Variants in ST3GAL3 observed in about 807,000 individuals in gnomAD.
The protein encoded by ST3GAL3 is CMP-N-acetylneuraminate-beta-1,4-galactoside alpha-2,3-sialyltransferase.
ST3GAL3 carries 21 observed loss-of-function variants against 50.1 expected under a neutral mutation model. The observed-to-expected ratio is 0.42, with a 90% CI of 0.30 to 0.60. The LOEUF (loss-of-function observed/expected upper bound fraction) is 0.60, where lower values mean the gene tolerates loss of function less well. Ranked by LOEUF, ST3GAL3 falls within the 20% of genes least tolerant of loss-of-function variation. The pLI is 0.19. For missense variants in ST3GAL3, 353 were observed against 489.4 expected (o/e 0.72, Z 2.63); for synonymous variants, 183 against 190.0 (o/e 0.96, Z 0.30).
chr1:43,831,180 C>CT (rs1479643282), intron 4 of ST3GAL3, among the ~76,000 whole-genome samples: 1 of 152,192 alleles, frequency 6.6e-6, no homozygotes, highest in African/African-American at 2.4e-5. Flanking sequence ...GCTGATTACA[C>CT]TTTACATCAT....
chr1:43,851,471 A>C, intron 5 of ST3GAL3: 1 of 1,601,064 alleles, frequency 6.2e-7, no homozygotes, highest in South Asian at 1.1e-5. Flanking sequence ...CCAGCTCATG[A>C]GTAAAGTCAG....
rs148824865 is a variant in ST3GAL3, at chr1:43,763,329, T to C, written c.118+26949T>C. Reference sequence around the variant, plus strand: ...CTTATAATGTTTTAAACTTTTATCATTGTTGTAAATGGATGTAGCTGGTTG... The same window carrying C: ...CTTATAATGTTTTAAACTTTTATCACTGTTGTAAATGGATGTAGCTGGTTG... On this transcript the variant is annotated intron_variant, in intron 2 of 11. Transcript: ENST00000347631. Among the ~76,000 whole-genome samples, 129 of 152,328 alleles carry C rather than the reference T, an allele frequency of 8.5e-4. 1 individual carries two copies. The Middle Eastern group carries it at 0.01, about 12-fold the overall frequency.
At position 43,833,051 on chromosome 1, in the gene ST3GAL3, T is replaced by C. The variant is rs577840289; in HGVS notation, c.210-5168T>C. Among the ~76,000 whole-genome samples, 5 of 152,300 alleles carry C rather than the reference T, an allele frequency of 3.3e-5. No homozygotes were observed. In the East Asian group the frequency reaches 9.6e-4, roughly 29 times the overall value. On this transcript the variant is annotated intron_variant, in intron 4 of 11. Coordinates refer to ENST00000347631, the MANE Select transcript of ST3GAL3 (RefSeq NM_006279.5). ...GAATGCTTTAAACTAAATTAGCACA[T>C]GAAACGAGGGAGCAGGCATGGTAGG...
intron 9 of ST3GAL3, 90 bp from the exon 10 acceptor site, chr1:43,920,314 C>T (rs1192452457): frequency 1.3e-6 from 2 of 1,555,614 alleles, no homozygotes; most frequent in African/African-American, 1.4e-5. Flanking sequence ...ATGCTCCCGC[C>T]TCACTGTCCC....
At chr1:43,744,546 A>T (rs1367046135) in intron 2 of ST3GAL3, among the ~76,000 whole-genome samples, 2 of 151,866 alleles carry the variant, frequency 1.3e-5, no homozygotes, top group Non-Finnish European at 2.9e-5. Flanking sequence ...TGGCGGCATC[A>T]TCTTCTTTAA....
chr1:43,916,124 C>G (rs920614609), intron 9 of ST3GAL3, among the ~76,000 whole-genome samples: 35 of 152,222 alleles, frequency 2.3e-4, no homozygotes, highest in Admixed American at 1.9e-3. Flanking sequence ...GGCAGCCCAT[C>G]GTAGGCACTC....
At chr1:43,781,228 A>G (rs563294853) in intron 2 of ST3GAL3, among the ~76,000 whole-genome samples, 2 of 152,268 alleles carry the variant, frequency 1.3e-5, no homozygotes, top group East Asian at 3.9e-4. Context: ...GAATGGGAGT[A>G]ATCTAAATCA....
intron 9 of ST3GAL3, chr1:43,911,145 CT>C (rs66935435): frequency 0.92 from 131,352 of 143,276 alleles, 60,700 homozygotes; most frequent in South Asian, 0.99. Context: ...GCACAGACTT[CT>C]TTTTTTTTTT....
At chr1:43,817,467 T>C in intron 4 of ST3GAL3, among the ~76,000 whole-genome samples, 1 of 146,670 alleles carries the variant, frequency 6.8e-6, no homozygotes, top group Non-Finnish European at 1.5e-5. Flanking sequence ...TCTTTCTTCT[T>C]CTCCTTCTCC....
chr1:43,894,428 G>A lies in ST3GAL3; in HGVS notation c.348G>A (p.Lys116=), dbSNP rs1365012948. 1.9e-6 allele frequency: 3 copies of A among 1,614,068 alleles called. No individual in the cohort carries two copies. In the Admixed American group the frequency reaches 5.0e-5, roughly 27 times the overall value. The change falls in exon 6 of 12, where the codon AAG becomes AAA. Residue 116 remains lysine, a synonymous_variant. Coordinates refer to ENST00000347631, the MANE Select transcript of ST3GAL3 (RefSeq NM_006279.5). ...TGTTCCTGGATGACTCCTTTCGCAA[G>A]TGGGCTAGAATCCGGGAGTTCGTGC... is the stretch of plus-strand genomic sequence containing the variant. The part of the protein sequence containing the change: ...APMFLDDSFR[K]WARIREFVPP...
At chr1:43,861,454 C>G (rs1283570302) in intron 5 of ST3GAL3, among the ~76,000 whole-genome samples, 1 of 11,200 alleles carries the variant, frequency 8.9e-5, no homozygotes, top group East Asian at 3.5e-3. Context: ...CTTGTATAGA[C>G]TGCATACAAA....
chr1:43,813,904 C>T (rs2060908091), intron 3 of ST3GAL3, among the ~76,000 whole-genome samples: 5 of 22,864 alleles, frequency 2.2e-4, no homozygotes, highest in Admixed American at 6.8e-4. Context: ...CGCACACACG[C>T]ACACACACAC....
chr1:43,824,685 T>C (rs1350069065), intron 4 of ST3GAL3: 1 of 1,612,332 alleles, frequency 6.2e-7, no homozygotes, highest in South Asian at 1.1e-5. Flanking sequence ...CTAGACATCT[T>C]GAGCTATGTG....
intron 2 of ST3GAL3, among the ~76,000 whole-genome samples, chr1:43,753,499 C>T (rs898846309): frequency 6.6e-6 from 1 of 152,170 alleles, no homozygotes; most frequent in African/African-American, 2.4e-5. Flanking sequence ...AAGAACCCAT[C>T]AGTAGGCTGT....
chr1:43,876,762 AAG>A (rs1439183043), intron 5 of ST3GAL3, among the ~76,000 whole-genome samples: 1 of 152,166 alleles, frequency 6.6e-6, no homozygotes, highest in Non-Finnish European at 1.5e-5. Flanking sequence ...ACGAATGTGA[AAG>A]AGGAATGCTG....
chr1:43,770,998 T>C (rs1694938582), intron 2 of ST3GAL3, among the ~76,000 whole-genome samples: 1 of 152,206 alleles, frequency 6.6e-6, no homozygotes, highest in East Asian at 1.9e-4. Flanking sequence ...GTAACAAAGA[T>C]AGCTATCATT....
rs575005443 is a variant in ST3GAL3, at chr1:43,914,932, C to G, written c.745-5472C>G. Among the ~76,000 whole-genome samples, 7 of 151,822 alleles carry G rather than the reference C, an allele frequency of 4.6e-5. No individual in the cohort carries two copies. In the South Asian group the frequency reaches 1.5e-3, roughly 32 times the overall value. ...CCTAAGGTCTTGGCCATTTCTCCAC[C>G]CGTCCGTTTCCTACTGTCTCCCACC... On this transcript the variant is annotated intron_variant, in intron 9 of 11. Transcript: ENST00000347631.
At chr1:43,728,460 G>C (rs530881184) in intron 1 of ST3GAL3, among the ~76,000 whole-genome samples, 1 of 152,162 alleles carries the variant, frequency 6.6e-6, no homozygotes, top group Non-Finnish European at 1.5e-5. Context: ...TTATATGTTG[G>C]GGGGGTGGGC....
At chr1:43,850,983 T>C (rs1404369793) in intron 5 of ST3GAL3, 5 of 893,022 alleles carry the variant, frequency 5.6e-6, no homozygotes, top group Non-Finnish European at 7.6e-6. Context: ...CAGGTTCTTG[T>C]GAGTGGTGGT....
Sources: allele counts gnomAD v4.1 joint callset (sites outside exome capture counted in the v4.1 genomes callset), GRCh38; gene constraint gnomAD v4.1.1; transcripts MANE v1.5; gene names NCBI Gene and HGNC (gene_info 2026-07-23, HGNC 2026-07-21).